Variants in NPM2 observed in about 807,000 individuals in gnomAD.
NPM2 encodes the protein nucleophosmin/nucleoplasmin 2.
Under a neutral mutation model 32.0 loss-of-function variants are expected in NPM2, and 25 were observed. The observed-to-expected ratio is 0.78, with a 90% confidence interval of 0.57 to 1.09. NPM2 has a LOEUF of 1.09. NPM2 is among the 50% of genes least tolerant of loss of function. NPM2 has a pLI of 0.00. For synonymous variants in NPM2, 111 were observed against 94.2 expected, an observed-to-expected ratio of 1.18 and a Z score of -1.04; for missense variants, 282 against 259.9, an observed-to-expected ratio of 1.08 and a Z score of -0.58.
At chr8:22,032,837 GAGGAT>G (rs1800483737) in intron 5 of NPM2, among the ~76,000 whole-genome samples, 1 of 152,102 alleles carries the variant, frequency 6.6e-6, no homozygotes, top group South Asian at 2.1e-4. Context: ...TATCACACTG[GAGGAT>G]AGGGCTTCAA....
chr8:22,036,583 G>A (rs1800630871), intron 9 of NPM2, 55 bp from the exon 10 acceptor site: 1 of 1,561,924 alleles, frequency 6.4e-7, no homozygotes, highest in Admixed American at 1.9e-5. Flanking sequence ...TCTGGAGGGG[G>A]CTGCCTGGTA....
intron 5 of NPM2, among the ~76,000 whole-genome samples, chr8:22,026,765 C>T (rs1800271322): frequency 6.6e-6 from 1 of 152,078 alleles, no homozygotes; most frequent in Non-Finnish European, 1.5e-5. Context: ...TTTTTTCTTT[C>T]TTTCTTTCTT....
chr8:22,029,801 C>T (rs149065880), intron 5 of NPM2, among the ~76,000 whole-genome samples: 27 of 152,254 alleles, frequency 1.8e-4, no homozygotes, highest in Non-Finnish European at 2.6e-4. Context: ...ATTCTGGTTC[C>T]CAATGTTGCT....
chr8:22,034,556 T>C lies in NPM2; in HGVS notation c.566+12T>C, dbSNP rs755411158. On this transcript the variant is annotated intron_variant, in intron 8 of 9. Transcript: ENST00000518119. ...GAAGAGGAAATAAGGTAACTCTTTC[T>C]ACCTATTAAATTAGCCAAAGTCTCC... is the stretch of plus-strand genomic sequence containing the variant. 15 of 1,604,904 alleles carry C rather than the reference T, an allele frequency of 9.3e-6. No homozygotes were observed. The East Asian group carries it at 2.9e-4, about 31-fold the overall frequency.
intron 7 of NPM2, 77 bp downstream of exon 7, chr8:22,034,352 G>A (rs1800547895): frequency 6.9e-7 from 1 of 1,440,682 alleles, no homozygotes; most frequent in Non-Finnish European, 9.5e-7. Context: ...GCCACCGGGA[G>A]CCTGGGCCAG....
At chr8:22,031,423 T>A (rs1015203542) in intron 5 of NPM2, among the ~76,000 whole-genome samples, 6 of 152,110 alleles carry the variant, frequency 3.9e-5, no homozygotes, top group African/African-American at 1.2e-4. Flanking sequence ...AGGCCTTGTC[T>A]CCTGACTGTG....
chr8:22,033,061 G>T, intron 5 of NPM2, 69 bp from the exon 6 acceptor site: 1 of 1,125,978 alleles, frequency 8.9e-7, no homozygotes, highest in Admixed American at 1.7e-5. Flanking sequence ...CAGTATTTCT[G>T]CCTGAGGCTA....
chr8:22,033,385 G>T (rs1000232951), intron 6 of NPM2, among the ~76,000 whole-genome samples, 162 bp downstream of exon 6: 1 of 152,202 alleles, frequency 6.6e-6, no homozygotes, highest in Non-Finnish European at 1.5e-5. Flanking sequence ...CAAGGGCGCT[G>T]GTCCCTGTTC....
chr8:22,036,311 C>T, intron 8 of NPM2, 182 bp from the exon 9 acceptor site: 1 of 573,888 alleles, frequency 1.7e-6, no homozygotes, highest in Non-Finnish European at 3.1e-6. Context: ...CTAAGGAAAA[C>T]ACATATGCGT....
chr8:22,036,520 G>A lies in NPM2; in HGVS notation c.594G>A (p.Val198=). 1.2e-6 allele frequency: 2 copies of A among 1,601,688 alleles called. No individual in the cohort carries two copies. Among genetic ancestry groups the A allele is most frequent in the Admixed American group, 1.7e-5 (1 of 58,690 alleles). ...CCAGCGTTAGAGACAAGAGCCCTGTGAAAAAGGTGAGTAGGACCAGAGGGC... is the reference window on the plus strand; with the variant it reads ...CCAGCGTTAGAGACAAGAGCCCTGTAAAAAAGGTGAGTAGGACCAGAGGGC... ...IRASVRDKSP[V]KKAKATARAK... The change falls in exon 9 of 10, where the codon GTG becomes GTA. Residue 198 remains valine (V), a synonymous_variant. Transcript: ENST00000518119.
At position 22,033,991 on chromosome 8, in the gene NPM2, C is replaced by T. The variant is rs559842688; in HGVS notation, c.365-118C>T. On this transcript the variant is annotated intron_variant, in intron 6 of 9. Transcript: ENST00000518119. ...GGCAGGCAGGTAACCACTGTCAACT[C>T]CAGGCTAGGATTCCTCCAGGGCAGT... The T allele has an allele frequency of 1.9e-4, 275 of 1,453,790 alleles. 3 individuals are homozygous for T. In the East Asian group the frequency reaches 6.3e-3, roughly 33 times the overall value. 90.1% of individuals were successfully genotyped at this position (1,453,790 alleles called of 1,614,324 possible). A position where few individuals can be genotyped will look rare whatever the true frequency, so the allele number is the denominator to read the frequency against.
intron 7 of NPM2, 73 bp from the exon 8 acceptor site, chr8:22,034,437 G>A: frequency 6.9e-7 from 1 of 1,450,096 alleles, no homozygotes; most frequent in Non-Finnish European, 9.6e-7. Context: ...CGGGGACCTT[G>A]TGGACTTTGG....
At chr8:22,034,576 G>T in intron 8 of NPM2, 32 bp downstream of exon 8, 1 of 1,553,862 alleles carries the variant, frequency 6.4e-7, no homozygotes, top group South Asian at 1.1e-5. Context: ...ATTAGCCAAA[G>T]TCTCCAGCTG....
chr8:22,033,087 C>T, intron 5 of NPM2, 43 bp from the exon 6 acceptor site: 1 of 1,468,822 alleles, frequency 6.8e-7, no homozygotes, highest in Non-Finnish European at 9.5e-7. Context: ...CGAGAGGTGC[C>T]AGGCCTAAGT....
intron 6 of NPM2, among the ~76,000 whole-genome samples, chr8:22,033,684 T>TA (rs1479907694): frequency 2.0e-5 from 3 of 152,210 alleles, no homozygotes; most frequent in African/African-American, 7.2e-5. Context: ...ACTCTCCTGC[T>TA]AAAAAGCCTT....
Position 22,025,243 on chromosome 8 carries a change from G to C in NPM2, c.-6G>C. ...GCCCGGCCAGCCCGCTTCTCTGCCC[G>C]GAGCCATGAATCTCAGTAGCGCCAG... On this transcript the variant is annotated 5_prime_UTR_variant, in exon 3 of 10. Transcript: ENST00000518119. 1 of 1,611,202 alleles carries C rather than the reference G, an allele frequency of 6.2e-7. No individual in the cohort carries two copies. The highest frequency in any genetic ancestry group is 1.1e-5 in the South Asian group (1 of 90,664).
Position 22,036,644 on chromosome 8 carries a change from G to A in NPM2, c.607G>A (p.Ala203Thr). The change falls in exon 10 of 10, where the codon GCC becomes ACC. Residue 203 changes from alanine to threonine, a missense_variant. Ala to Thr is a moderately conservative substitution (Grantham distance 58). Transcript: ENST00000518119. ...RDKSPVKKAK[A>T]TARAKKPGFK... Reference sequence around the variant, plus strand: ...CCCTGCCTTCCCTCCACAGGCCAAAGCCACAGCCAGAGCCAAGAAGCCAGG... The same window carrying A: ...CCCTGCCTTCCCTCCACAGGCCAAAACCACAGCCAGAGCCAAGAAGCCAGG... The A allele has an allele frequency of 6.4e-7, 1 of 1,550,494 alleles. No homozygotes were observed. Among genetic ancestry groups the A allele is most frequent in the Non-Finnish European group, 8.7e-7 (1 of 1,146,912 alleles).
chr8:22,034,295 T>A lies in NPM2; in HGVS notation c.531+20T>A. On this transcript the variant is annotated intron_variant, in intron 7 of 9. Transcript: ENST00000518119. Reference sequence around the variant, plus strand: ...GCTAAGGTGGGGGAAGGAGCGTGGCTGTTTGGAAGGAAGTGGTACCCCTAC... The same window carrying A: ...GCTAAGGTGGGGGAAGGAGCGTGGCAGTTTGGAAGGAAGTGGTACCCCTAC... The A allele has an allele frequency of 1.3e-6, 2 of 1,563,484 alleles. No individual in the cohort carries two copies. Among genetic ancestry groups the A allele is most frequent in the South Asian group, 2.4e-5 (2 of 81,748 alleles).
intron 5 of NPM2, among the ~76,000 whole-genome samples, chr8:22,027,089 C>T (rs1268251677): frequency 6.6e-6 from 1 of 152,158 alleles, no homozygotes; most frequent in African/African-American, 2.4e-5. Context: ...TACTACTGGT[C>T]ATGTTACAAA....
Sources: allele counts gnomAD v4.1 joint callset (sites outside exome capture counted in the v4.1 genomes callset), GRCh38; gene constraint gnomAD v4.1.1; transcripts MANE v1.5; gene names NCBI Gene and HGNC (gene_info 2026-07-23, HGNC 2026-07-21).